GRM3: variants seen among roughly 807,000 people sequenced by gnomAD.
The protein encoded by GRM3 is metabotropic glutamate receptor 3.
In GRM3, 26 loss-of-function variants were observed where a neutral mutation model predicts 70.5. That is an observed-to-expected ratio of 0.37 (90% CI 0.27 to 0.51). GRM3 has a LOEUF of 0.51. Among genes scored for constraint, GRM3 ranks in the 20% least tolerant of loss-of-function variants. GRM3 has a pLI of 0.93. For missense variants in GRM3, 859 were observed against 1,123.8 expected (o/e 0.76, Z 3.37); for synonymous variants, 443 against 434.9 (o/e 1.02, Z -0.23).
At chr7:86,697,417 C>G (rs188997539) in intron 1 of GRM3, among the ~76,000 whole-genome samples, 48 of 152,086 alleles carry the variant, frequency 3.2e-4, no homozygotes, top group African/African-American at 1.1e-3. Context: ...AAAGCAAGGT[C>G]AGTTTTTGGA....
chr7:86,712,719 C>T (rs992799343), intron 1 of GRM3, among the ~76,000 whole-genome samples: 14 of 151,922 alleles, frequency 9.2e-5, no homozygotes, highest in African/African-American at 2.9e-4. Flanking sequence ...CACATTTGAG[C>T]GAGAACATGC....
At chr7:86,842,378 T>G (rs1001547186) in intron 4 of GRM3, among the ~76,000 whole-genome samples, 1 of 152,190 alleles carries the variant, frequency 6.6e-6, no homozygotes, top group Non-Finnish European at 1.5e-5. Context: ...ATTCCCATAC[T>G]CAACAATTAG....
intron 2 of GRM3, among the ~76,000 whole-genome samples, chr7:86,785,535 G>C (rs1489821571): frequency 1.3e-5 from 2 of 151,176 alleles, no homozygotes; most frequent in Non-Finnish European, 1.5e-5. Context: ...AATGATGTAA[G>C]AATAGAATTC....
intron 1 of GRM3, among the ~76,000 whole-genome samples, chr7:86,690,576 C>T (rs1794673551): frequency 6.6e-6 from 1 of 151,990 alleles, no homozygotes; most frequent in Admixed American, 6.6e-5. Flanking sequence ...ATCTGCCTTA[C>T]TTATGTATTG....
intron 1 of GRM3, among the ~76,000 whole-genome samples, chr7:86,712,729 C>T (rs185720207): frequency 1.2e-4 from 19 of 152,028 alleles, no homozygotes; most frequent in Non-Finnish European, 2.1e-4. Context: ...CGAGAACATG[C>T]GATATTTGTC....
At chr7:86,816,479 G>T (rs1221386232) in intron 3 of GRM3, among the ~76,000 whole-genome samples, 1 of 151,704 alleles carries the variant, frequency 6.6e-6, no homozygotes, top group Non-Finnish European at 1.5e-5. Context: ...AGTACCTGTT[G>T]TTTTCTTCTT....
intron 3 of GRM3, among the ~76,000 whole-genome samples, chr7:86,806,096 A>G (rs963987877): frequency 3.9e-5 from 6 of 152,088 alleles, no homozygotes; most frequent in Admixed American, 1.3e-4. Flanking sequence ...TTTTATGGCT[A>G]CATAGTATTC....
At chr7:86,646,193 C>A (rs1793468142) in intron 1 of GRM3, among the ~76,000 whole-genome samples, 1 of 152,274 alleles carries the variant, frequency 6.6e-6, no homozygotes, top group South Asian at 2.1e-4. Flanking sequence ...GCTTAGGACA[C>A]TCTAATGAAT....
chr7:86,706,040 CA>C (rs1167098809), intron 1 of GRM3, among the ~76,000 whole-genome samples: 2 of 98,678 alleles, frequency 2.0e-5, no homozygotes, highest in African/African-American at 1.0e-4. Flanking sequence ...TTTGTTTATA[CA>C]AATCCATAGA....
intron 1 of GRM3, among the ~76,000 whole-genome samples, chr7:86,700,090 C>A (rs576297811): frequency 2.0e-5 from 3 of 151,856 alleles, no homozygotes; most frequent in Non-Finnish European, 4.4e-5. Context: ...AGAACAGAAC[C>A]ATCTGTCAGT....
At chr7:86,655,773 C>G (rs1793719225) in intron 1 of GRM3, among the ~76,000 whole-genome samples, 1 of 151,560 alleles carries the variant, frequency 6.6e-6, no homozygotes, top group Non-Finnish European at 1.5e-5. Flanking sequence ...AAAAAAGTTC[C>G]TACCTGACAA....
intron 1 of GRM3, 34 bp from the exon 2 acceptor site, chr7:86,764,972 A>G: frequency 7.1e-7 from 1 of 1,407,106 alleles, no homozygotes; most frequent in Non-Finnish European, 9.3e-7. Context: ...TGCTTTCTTT[A>G]CCATTTTTGT....
rs139123335 is a variant in GRM3 at position 86,805,536 on chromosome 7, G to T, written c.1324+18420G>T. Among the ~76,000 whole-genome samples the T allele has an allele frequency of 1.8e-3, 271 of 152,186 alleles. 2 individuals are homozygous for T. Among genetic ancestry groups the T allele is most frequent in the African/African-American group, 6.2e-3 (257 of 41,508 alleles). ...AAAATAACATCCATTCAGCATTATAGTACCAGAGAATAGTTTCACTGCCCT... is the reference window on the plus strand; with the variant it reads ...AAAATAACATCCATTCAGCATTATATTACCAGAGAATAGTTTCACTGCCCT... On this transcript the variant is annotated intron_variant, in intron 3 of 5. Transcript: ENST00000361669.
intron 4 of GRM3, among the ~76,000 whole-genome samples, chr7:86,846,295 A>G (rs769914723): frequency 2.0e-5 from 3 of 152,202 alleles, no homozygotes; most frequent in Non-Finnish European, 4.4e-5. Context: ...ATAAGAAACT[A>G]CAGCTGGGGA....
chr7:86,838,707 A>ACC, intron 3 of GRM3, 132 bp from the exon 4 acceptor site: 1 of 615,004 alleles, frequency 1.6e-6, no homozygotes, highest in Non-Finnish European at 2.8e-6. Flanking sequence ...TTTCAATGGT[A>ACC]ACTGATAAAT....
At chr7:86,806,773 G>T (rs1464246168) in intron 3 of GRM3, among the ~76,000 whole-genome samples, 2 of 151,934 alleles carry the variant, frequency 1.3e-5, no homozygotes, top group Non-Finnish European at 2.9e-5. Context: ...GTCAATTTTG[G>T]CTTTTGTTGC....
intron 1 of GRM3, among the ~76,000 whole-genome samples, chr7:86,736,143 T>C (rs1314613033): frequency 1.3e-5 from 2 of 152,180 alleles, no homozygotes; most frequent in Non-Finnish European, 2.9e-5. Flanking sequence ...ATTCATATGG[T>C]ACCAGAGAGA....
chr7:86,804,197 G>C (rs1042534104), intron 3 of GRM3, among the ~76,000 whole-genome samples: 4 of 152,238 alleles, frequency 2.6e-5, no homozygotes, highest in Non-Finnish European at 4.4e-5. Context: ...CTCCAGTTAT[G>C]ATTGTCACTG....
intron 2 of GRM3, among the ~76,000 whole-genome samples, chr7:86,778,414 A>C (rs894474547): frequency 1.3e-5 from 2 of 152,186 alleles, no homozygotes; most frequent in Non-Finnish European, 2.9e-5. Context: ...TTTCTACCAG[A>C]TTCTACATGT....
Sources: allele counts gnomAD v4.1 joint callset (sites outside exome capture counted in the v4.1 genomes callset), GRCh38; gene constraint gnomAD v4.1.1; transcripts MANE v1.5; gene names NCBI Gene and HGNC (gene_info 2026-07-23, HGNC 2026-07-21).